RUSF1: variants seen among roughly 807,000 people sequenced by gnomAD.
RUSF1 encodes the protein RUS1 family protein C16orf58.
In RUSF1, 58 loss-of-function variants were observed where a neutral mutation model predicts 63.0. The observed-to-expected ratio is 0.92, with a 90% CI of 0.75 to 1.15. The LOEUF is 1.15. Among genes scored for constraint, RUSF1 ranks in the 50% most tolerant of loss-of-function variants. The pLI is 0.00. For missense variants in RUSF1, 652 were observed against 611.0 expected (o/e 1.07, Z -0.71); for synonymous variants, 274 against 255.8 (o/e 1.07, Z -0.68).
At chr16:31,491,128 G>C (rs986506106) in intron 12 of RUSF1, among the ~76,000 whole-genome samples, 196 bp from the exon 13 acceptor site, 17 of 152,144 alleles carry the variant, frequency 1.1e-4, no homozygotes, top group Admixed American at 7.9e-4. Context: ...CGCTGGGATG[G>C]AACAGGCGCC....
Position 31,490,378 on chromosome 16 carries a change from G to A in RUSF1, c.*457C>T, listed in dbSNP as rs777035063. On this transcript the variant is annotated 3_prime_UTR_variant, in exon 13 of 13. Transcript: ENST00000327237. ...TGGTTTTGTGGAATGAGCAGAGGTG[G>A]GGTGGGCAGTCCTCCGCCCCTTACC... 2.5e-6 allele frequency: 4 copies of A among 1,613,286 alleles called. No homozygotes were observed. In the South Asian group the frequency reaches 3.3e-5, roughly 13 times the overall value.
chr16:31,494,453 T>C (rs766094181), intron 6 of RUSF1, among the ~76,000 whole-genome samples: 3 of 151,354 alleles, frequency 2.0e-5, no homozygotes, highest in African/African-American at 4.9e-5. Flanking sequence ...GAGGTGGAGG[T>C]TGCAGTGAGC....
At chr16:31,492,631 C>G (rs1176445501) in intron 10 of RUSF1, among the ~76,000 whole-genome samples, 1 of 152,218 alleles carries the variant, frequency 6.6e-6, no homozygotes, top group East Asian at 1.9e-4. Context: ...GACCAGCACA[C>G]TCAAGGACTT....
chr16:31,508,019 A>G lies in RUSF1; in HGVS notation c.300+55T>C, dbSNP rs1201840406. 3.2e-6 allele frequency: 5 copies of G among 1,555,346 alleles called. No homozygotes were observed. In the East Asian group the frequency reaches 1.2e-4, roughly 38 times the overall value. On this transcript the variant is annotated intron_variant, in intron 1 of 12. Transcript: ENST00000327237. ...TCCGAGTCTCAGTCACCCGTCCATTATTGGGGAGGGAGGAGTGGCCTGCAC... is the reference window on the plus strand; with the variant it reads ...TCCGAGTCTCAGTCACCCGTCCATTGTTGGGGAGGGAGGAGTGGCCTGCAC...
rs1483067817 is a variant in RUSF1 at position 31,490,344 on chromosome 16, T to C, written c.*491A>G. ...CCCGGCACCAAGCCTCTTCCGCCAG[T>C]GCCTGCTCTGGTTTTGTGGAATGAG... On this transcript the variant is annotated 3_prime_UTR_variant, in exon 13 of 13. Transcript: ENST00000327237. The C allele has an allele frequency of 3.1e-6, 5 of 1,612,690 alleles. No homozygotes were observed. Among genetic ancestry groups the C allele is most frequent in the East Asian group, 2.2e-5 (1 of 44,858 alleles).
At chr16:31,496,580 G>A (rs2082604064) in intron 6 of RUSF1, among the ~76,000 whole-genome samples, 1 of 152,216 alleles carries the variant, frequency 6.6e-6, no homozygotes, top group African/African-American at 2.4e-5. Flanking sequence ...GGGGCCTCAT[G>A]TGATCAGAAC....
In RUSF1 at chr16:31,493,653, C is replaced by A. The variant is rs911543964; in HGVS notation, c.908G>T (p.Gly303Val). Residue 303 changes from glycine (G) to valine (V), a missense_variant, in exon 8 of 13, where the codon GGA (glycine) becomes GTA (valine). Coordinates refer to ENST00000327237, the MANE Select transcript of RUSF1 (RefSeq NM_022744.4). ...GGCTGCAGTTGGGTCGAGTACCTCT[C>A]CCCTCTGAAGGTAGTGCTTCAGGAC... ...RLVLKHYLQR[G>V]EVLDPTAANR... 1 of 1,614,210 alleles carries A rather than the reference C, an allele frequency of 6.2e-7. No homozygotes were observed. Among genetic ancestry groups the A allele is most frequent in the Admixed American group, 1.7e-5 (1 of 60,024 alleles).
chr16:31,498,594 A>G (rs1322869715), intron 5 of RUSF1, among the ~76,000 whole-genome samples: 1 of 152,190 alleles, frequency 6.6e-6, no homozygotes, highest in Non-Finnish European at 1.5e-5. Flanking sequence ...GCCAGGCCTC[A>G]GTGTCCTCAT....
intron 2 of RUSF1, among the ~76,000 whole-genome samples, chr16:31,503,679 T>A (rs910902238): frequency 1.3e-5 from 2 of 152,220 alleles, no homozygotes; most frequent in African/African-American, 2.4e-5. Flanking sequence ...TTATTTATTT[T>A]TTTAGATGGA....
chr16:31,504,631 C>T (rs950681240), intron 2 of RUSF1, among the ~76,000 whole-genome samples: 1 of 152,184 alleles, frequency 6.6e-6, no homozygotes, highest in Non-Finnish European at 1.5e-5. Context: ...AAACCTGCAG[C>T]TTTTGGGAGT....
rs760215342 is a variant in RUSF1, at chr16:31,490,946, ATGGGGTGC to A, written c.1310-22_1310-15del. On this transcript the variant is annotated splice_polypyrimidine_tract_variant and intron_variant, in intron 12 of 12. Coordinates refer to ENST00000327237, the MANE Select transcript of RUSF1 (RefSeq NM_022744.4). ...CATCCTGCAGTCCTGGGGAGAGATC[ATGGGGTGC>A]TGCCGGGAATGCTGGGGACAAGGGT... is the stretch of plus-strand genomic sequence containing the variant. 6.2e-7 allele frequency: 1 copy of A among 1,613,252 alleles called. No individual in the cohort carries two copies. Among genetic ancestry groups the A allele is most frequent in the Middle Eastern group, 1.7e-4 (1 of 6,050 alleles).
chr16:31,502,036 T>C (rs1466630483), intron 2 of RUSF1, among the ~76,000 whole-genome samples: 1 of 152,204 alleles, frequency 6.6e-6, no homozygotes, highest in Non-Finnish European at 1.5e-5. Context: ...TTTGTCAATC[T>C]GGACCATCCA....
At chr16:31,498,439 C>T (rs2082615394) in intron 5 of RUSF1, among the ~76,000 whole-genome samples, 1 of 152,168 alleles carries the variant, frequency 6.6e-6, no homozygotes, top group African/African-American at 2.4e-5. Flanking sequence ...CCGTTGCACC[C>T]CAAATGCTAG....
intron 12 of RUSF1, 149 bp from the exon 13 acceptor site, chr16:31,491,081 C>A: frequency 1.4e-6 from 1 of 694,622 alleles, no homozygotes; most frequent in Non-Finnish European, 2.4e-6. Context: ...CCACACCTGG[C>A]TGCAGCAAGA....
At chr16:31,493,338 A>G in intron 9 of RUSF1, 129 bp downstream of exon 9, 3 of 1,247,234 alleles carry the variant, frequency 2.4e-6, no homozygotes, top group South Asian at 1.3e-5. Context: ...CACCAACCCC[A>G]TGTCTGTTCA....
chr16:31,501,932 T>C (rs574789152), intron 2 of RUSF1, among the ~76,000 whole-genome samples: 2 of 152,346 alleles, frequency 1.3e-5, no homozygotes, highest in South Asian at 2.1e-4. Flanking sequence ...AGATTGTCTA[T>C]AGCTGTTTTT....
At position 31,496,721 on chromosome 16, in the gene RUSF1, G is replaced by A. The variant is rs1052697028; in HGVS notation, c.702+128C>T. ...GAGCCCAAACCCCTACTCCTGCCTGGGTGTCTTGAGTCAGCAGGGAGCACC... is the reference window on the plus strand; with the variant it reads ...GAGCCCAAACCCCTACTCCTGCCTGAGTGTCTTGAGTCAGCAGGGAGCACC... On this transcript the variant is annotated intron_variant, in intron 6 of 12. Transcript: ENST00000327237. 4 of 793,488 alleles carry A rather than the reference G, an allele frequency of 5.0e-6. No individual in the cohort carries two copies. In the East Asian group the frequency reaches 1.2e-4, roughly 24 times the overall value. The allele number at this position is 793,488 out of a possible 1,614,324, so 49.2% of individuals were successfully genotyped here.
intron 2 of RUSF1, among the ~76,000 whole-genome samples, chr16:31,501,018 C>T (rs540388466): frequency 1.3e-5 from 2 of 152,148 alleles, no homozygotes; most frequent in Non-Finnish European, 2.9e-5. Flanking sequence ...TGACAGAATA[C>T]ATAAATTCTA....
chr16:31,504,163 G>A lies in RUSF1; in HGVS notation c.416-3432C>T, dbSNP rs141496803. Among the ~76,000 whole-genome samples, 949 of 151,816 alleles carry A rather than the reference G, an allele frequency of 6.3e-3. 14 individuals carry two copies. The highest frequency in any genetic ancestry group is 0.022 in the African/African-American group (910 of 41,388). On this transcript the variant is annotated intron_variant, in intron 2 of 12. Coordinates refer to ENST00000327237, the MANE Select transcript of RUSF1 (RefSeq NM_022744.4). The stretch of plus-strand genomic sequence containing the variant: ...GATCCACCTGCCTCTGCCTCCCAAT[G>A]TGCTGGGATTATAGGCGTGAGCCAC...
Sources: gnomAD v4.1 joint callset for allele counts (sites outside exome capture counted in the v4.1 genomes callset) on GRCh38, gnomAD v4.1.1 for gene constraint, MANE v1.5 for transcripts, NCBI Gene and HGNC (gene_info 2026-07-23, HGNC 2026-07-21) for gene names.